PUDP: variants seen among roughly 807,000 people sequenced by gnomAD.
PUDP encodes pseudouridine 5'-phosphatase.
PUDP carries 8 observed loss-of-function variants against 9.4 expected under a neutral mutation model. That is an observed-to-expected ratio of 0.85 (90% CI 0.50 to 1.53). The LOEUF is 1.53. PUDP is among the 40% of genes most tolerant of loss of function. PUDP has a pLI of 0.00. For missense variants in PUDP, 188 were observed against 189.7 expected (o/e 0.99, Z 0.05); for synonymous variants, 99 against 80.7 (o/e 1.23, Z -1.22).
At chrX:7,117,601 G>C (rs1295417691) in intron 1 of PUDP, among the ~76,000 whole-genome samples, 1 of 112,908 alleles carries the variant, frequency 8.9e-6, no homozygotes, top group African/African-American at 3.2e-5. Flanking sequence ...AGGGAAGGTA[G>C]AGCAAAAAAG....
intron 1 of PUDP, among the ~76,000 whole-genome samples, chrX:7,146,812 G>A (rs190757116): frequency 2.5e-4 from 26 of 102,275 alleles, no homozygotes; most frequent in African/African-American, 8.6e-4. Context: ...TGGGCAAGTA[G>A]CTTTACCTCT....
intron 3 of PUDP, among the ~76,000 whole-genome samples, chrX:6,730,126 T>C (rs1924791822): frequency 8.9e-6 from 1 of 111,790 alleles, no homozygotes; most frequent in Non-Finnish European, 1.9e-5. Context: ...CCCCTGACCT[T>C]TGACAAATCT....
At chrX:6,778,072 C>A (rs1467697586) in intron 3 of PUDP, among the ~76,000 whole-genome samples, 2 of 111,865 alleles carry the variant, frequency 1.8e-5, no homozygotes, top group Non-Finnish European at 3.8e-5. Context: ...TATTCCGAGG[C>A]AGATAAGAGA....
chrX:6,800,044 A>G (rs985984902), intron 3 of PUDP, among the ~76,000 whole-genome samples: 3 of 111,704 alleles, frequency 2.7e-5, no homozygotes, highest in African/African-American at 9.8e-5. Flanking sequence ...GAAGTCTCCA[A>G]AATCCTAACA....
chrX:7,077,095 G>A, intron 3 of PUDP, 125 bp downstream of exon 3: 10 of 1,058,079 alleles, frequency 9.5e-6, no homozygotes, highest in Non-Finnish European at 1.0e-5. Context: ...CAAGTTCTAG[G>A]GAGCATTGCA....
At chrX:6,816,956 A>G (rs1926255007) in intron 3 of PUDP, among the ~76,000 whole-genome samples, 3 of 97,213 alleles carry the variant, frequency 3.1e-5, no homozygotes, top group Admixed American at 1.2e-4. Context: ...TACTATATGT[A>G]TATACAATAT....
At chrX:7,026,448 C>A (rs1929711547) in intron 1 of PUDP, among the ~76,000 whole-genome samples, 1 of 112,255 alleles carries the variant, frequency 8.9e-6, no homozygotes, top group Non-Finnish European at 1.9e-5. Context: ...CAGAATCGTG[C>A]CCTCAGATCC....
chrX:7,032,738 C>T (rs1396692683), intron 1 of PUDP, among the ~76,000 whole-genome samples: 1 of 111,511 alleles, frequency 9.0e-6, no homozygotes, highest in African/African-American at 3.3e-5. Context: ...AGGAAATTTT[C>T]TGGAGTGATG....
chrX:6,813,063 C>T (rs1210324186), intron 3 of PUDP, among the ~76,000 whole-genome samples: 1 of 109,703 alleles, frequency 9.1e-6, no homozygotes, highest in Non-Finnish European at 1.9e-5. Context: ...TAACATACTC[C>T]AGCCTGGGAA....
chrX:6,781,299 C>T (rs767695203), intron 3 of PUDP, among the ~76,000 whole-genome samples: 2 of 111,649 alleles, frequency 1.8e-5, no homozygotes, highest in Non-Finnish European at 3.8e-5. Context: ...GTAATACAAA[C>T]TTGATTCATT....
chrX:6,932,842 T>C (rs989586895), intron 3 of PUDP, among the ~76,000 whole-genome samples: 2 of 111,043 alleles, frequency 1.8e-5, no homozygotes, highest in African/African-American at 6.5e-5. Flanking sequence ...CGGAGGGTCC[T>C]ACGCCCACGG....
intron 3 of PUDP, among the ~76,000 whole-genome samples, chrX:6,957,387 T>TA (rs35109438): frequency 6.2e-4 from 63 of 101,977 alleles, no homozygotes; most frequent in African/African-American, 1.5e-3. Flanking sequence ...GGTTTCTTAT[T>TA]AAAAAAAAAA....
intron 2 of PUDP, among the ~76,000 whole-genome samples, chrX:7,084,049 C>T (rs1931192134): frequency 8.9e-6 from 1 of 111,995 alleles, no homozygotes; most frequent in Non-Finnish European, 1.9e-5. Context: ...TACAGAGAAA[C>T]CCTGTCACCC....
chrX:7,114,058 CTCTCTCTT>C (rs1250571130), intron 1 of PUDP, among the ~76,000 whole-genome samples: 8 of 90,131 alleles, frequency 8.9e-5, no homozygotes, highest in East Asian at 3.4e-4. Context: ...CTCTCTCTCT[CTCTCTCTT>C]TTTCTTTTTT....
chrX:6,887,281 C>T (rs971414418), intron 3 of PUDP, among the ~76,000 whole-genome samples: 1 of 106,660 alleles, frequency 9.4e-6, no homozygotes, highest in Non-Finnish European at 1.9e-5. Context: ...TGTACATTTC[C>T]AAATGTGCTC....
At chrX:7,132,795 A>T (rs1428151634) in intron 1 of PUDP, among the ~76,000 whole-genome samples, 2 of 111,471 alleles carry the variant, frequency 1.8e-5, no homozygotes, top group Non-Finnish European at 3.8e-5. Flanking sequence ...CTATGCTCTC[A>T]CCAAAGCCAC....
intron 3 of PUDP, among the ~76,000 whole-genome samples, chrX:7,062,845 T>C (rs748683480): frequency 2.5e-4 from 27 of 110,089 alleles, no homozygotes; most frequent in Non-Finnish European, 4.7e-4. Context: ...CCTAGCAGTA[T>C]TGTTTATGTC....
intron 3 of PUDP, among the ~76,000 whole-genome samples, chrX:6,871,979 G>T (rs1201564812): frequency 8.9e-6 from 1 of 111,880 alleles, no homozygotes; most frequent in Non-Finnish European, 1.9e-5. Context: ...GTGAGGACCT[G>T]CTTCCTGGTT....
intron 3 of PUDP, among the ~76,000 whole-genome samples, chrX:6,841,571 A>G (rs898324025): frequency 1.8e-5 from 2 of 111,314 alleles, no homozygotes; most frequent in Non-Finnish European, 3.8e-5. Context: ...ACTGCACTCC[A>G]GCTTGGGTGA....
Sources: allele counts gnomAD v4.1 joint callset (sites outside exome capture counted in the v4.1 genomes callset), GRCh38; gene constraint gnomAD v4.1.1; transcripts MANE v1.5; gene names NCBI Gene and HGNC (gene_info 2026-07-23, HGNC 2026-07-21).